The following SPINT3 variants were observed in gnomAD, a reference collection of about 807,000 sequenced individuals.
SPINT3 encodes kunitz-type protease inhibitor 3.
A neutral mutation model predicts 3.3 loss-of-function variants in SPINT3; 4 were observed. The ratio of observed to expected loss-of-function variants is 1.22; its 90% CI spans 0.60 to 2.79. The LOEUF (loss-of-function observed/expected upper bound fraction) is 2.79, where lower values mean the gene tolerates loss of function less well. SPINT3 is among the 30% of genes most tolerant of loss of function. The probability of loss-of-function intolerance (pLI) is 0.01; values close to 1 mark genes in which losing one functional copy is unlikely to be tolerated. For synonymous variants in SPINT3, 30 were observed against 38.6 expected, an observed-to-expected ratio of 0.78 and a Z score of 0.83; for missense variants, 97 against 104.3, an observed-to-expected ratio of 0.93 and a Z score of 0.31.
Position 45,512,497 on chromosome 20 carries a change from A to G in SPINT3, c.*154T>C. 1 of 700,022 alleles carries G rather than the reference A, an allele frequency of 1.4e-6. No homozygotes were observed. The highest frequency in any genetic ancestry group is 2.3e-6 in the Non-Finnish European group (1 of 428,828). 43.4% of individuals were successfully genotyped at this position (700,022 alleles called of 1,614,324 possible). Reference sequence around the variant, plus strand: ...CATTTATAGAATTTCAGGCACAGAGATGAAGCACTTGTAGGAGCACATCAG... The same window carrying G: ...CATTTATAGAATTTCAGGCACAGAGGTGAAGCACTTGTAGGAGCACATCAG... On this transcript the variant is annotated 3_prime_UTR_variant, in exon 2 of 2. Transcript: ENST00000217428.
Position 45,512,701 on chromosome 20 carries a change from T to C in SPINT3, c.220A>G (p.Asn74Asp). ...CATTTTTCTTTCCTCAAAAAGTTGT[T>C]GCTGTTGCCTCCGCAGCCTCCGTAA... ...FAYGGCGGNS[N>D]NFLRKEKCEK... The change falls in exon 2 of 2, where the codon AAC becomes GAC. Residue 74 changes from asparagine (N) to aspartate (D), a missense_variant. Physicochemically the swap from Asn to Asp is conservative, Grantham distance 23 (BLOSUM62 1). Coordinates refer to ENST00000217428, the MANE Select transcript of SPINT3 (RefSeq NM_006652.2). 6.4e-7 allele frequency: 1 copy of C among 1,551,668 alleles called. No homozygotes were observed. Among genetic ancestry groups the C allele is most frequent in the Non-Finnish European group, 8.7e-7 (1 of 1,146,974 alleles).
In SPINT3 at chr20:45,515,594, G is replaced by A. The variant is rs1307387561; in HGVS notation, c.15C>T (p.Ala5=). ...TGAGAATCAGGAGAAACGAGAGAGA[G>A]GCCTGAAGCTGCATGGTGCCACTCA... The part of the protein sequence containing the change: MQLQ[A]SLSFLLILTL... Residue 5 remains alanine (A), a synonymous_variant, in exon 1 of 2, where the codon GCC becomes GCT. Transcript: ENST00000217428. The A allele has an allele frequency of 6.4e-7, 1 of 1,551,488 alleles. No homozygotes were observed. Among genetic ancestry groups the A allele is most frequent in the Non-Finnish European group, 8.7e-7 (1 of 1,146,922 alleles).
intron 1 of SPINT3, among the ~76,000 whole-genome samples, chr20:45,513,846 G>A (rs1978804977): frequency 1.3e-5 from 2 of 152,346 alleles, no homozygotes; most frequent in South Asian, 2.1e-4. Flanking sequence ...GAAGCAGTAG[G>A]ACCAAGAATC....
chr20:45,513,870 T>A (rs1484587684), intron 1 of SPINT3, among the ~76,000 whole-genome samples: 1 of 152,212 alleles, frequency 6.6e-6, no homozygotes, highest in Non-Finnish European at 1.5e-5. Context: ...CCCAGCATGG[T>A]TCGACTGCAA....
intron 1 of SPINT3, among the ~76,000 whole-genome samples, chr20:45,515,129 C>T (rs1978836176): frequency 6.6e-6 from 1 of 152,106 alleles, no homozygotes; most frequent in Admixed American, 6.6e-5. Context: ...AAGTCCCTCA[C>T]TCTCAAATTC....
intron 1 of SPINT3, among the ~76,000 whole-genome samples, chr20:45,514,073 A>G (rs914874069): frequency 6.6e-6 from 1 of 152,222 alleles, no homozygotes; most frequent in African/African-American, 2.4e-5. Flanking sequence ...AGCTTATTCA[A>G]TCCAGGTGGG....
chr20:45,512,609 A>C lies in SPINT3; in HGVS notation c.*42T>G, dbSNP rs1415841129. ...CGCAAATGCCTTCTATGGCCCTCAGAGCAATCCCGAATCCATGGAGGGCTG... is the reference window on the plus strand; with the variant it reads ...CGCAAATGCCTTCTATGGCCCTCAGCGCAATCCCGAATCCATGGAGGGCTG... On this transcript the variant is annotated 3_prime_UTR_variant, in exon 2 of 2. Coordinates refer to ENST00000217428, the MANE Select transcript of SPINT3 (RefSeq NM_006652.2). 3 of 1,538,256 alleles carry C rather than the reference A, an allele frequency of 2.0e-6. No individual in the cohort carries two copies. The African/African-American group carries it at 4.1e-5, about 21-fold the overall frequency.
intron 1 of SPINT3, 65 bp downstream of exon 1, chr20:45,515,468 C>A (rs552258311): frequency 2.2e-6 from 3 of 1,372,336 alleles, no homozygotes; most frequent in South Asian, 2.5e-5. Flanking sequence ...CATCACCTCC[C>A]CCACCACCCC....
At chr20:45,513,181 A>G (rs1161244352) in intron 1 of SPINT3, among the ~76,000 whole-genome samples, 1 of 152,240 alleles carries the variant, frequency 6.6e-6, no homozygotes, top group Non-Finnish European at 1.5e-5. Context: ...GAGTTGAACC[A>G]CATCATCTCT....
Position 45,515,528 on chromosome 20 carries a change from C to T in SPINT3, c.76+5G>A, listed in dbSNP as rs546110769. The stretch of plus-strand genomic sequence containing the variant: ...ATTCTTTGAGATCCCACATTTCATA[C>T]CAACCTCGTGCTAGTTCTGATCGAA... On this transcript the variant is annotated splice_donor_5th_base_variant and intron_variant, in intron 1 of 1. Coordinates refer to ENST00000217428, the MANE Select transcript of SPINT3 (RefSeq NM_006652.2). 2 of 1,512,414 alleles carry T rather than the reference C, an allele frequency of 1.3e-6. No individual in the cohort carries two copies. The highest frequency in any genetic ancestry group is 1.8e-6 in the Non-Finnish European group (2 of 1,123,408). The allele number at this position is 1,512,414 out of a possible 1,614,324, so 93.7% of individuals were successfully genotyped here. A position where few individuals can be genotyped will look rare whatever the true frequency, so the allele number is the denominator to read the frequency against.
chr20:45,512,989 G>A, intron 1 of SPINT3, 145 bp from the exon 2 acceptor site: 1 of 631,040 alleles, frequency 1.6e-6, no homozygotes, highest in South Asian at 2.0e-5. Context: ...CCCAGCTATG[G>A]TCTGATCTGT....
rs1461720468 is a variant in SPINT3 at position 45,515,382 on chromosome 20, CAT to C, written c.76+149_76+150del. The C allele has an allele frequency of 1.1e-5, 8 of 703,098 alleles. No homozygotes were observed. In the East Asian group the frequency reaches 2.2e-4, roughly 19 times the overall value. 43.6% of individuals were successfully genotyped at this position (703,098 alleles called of 1,614,324 possible). A position where few individuals can be genotyped will look rare whatever the true frequency, so the allele number is the denominator to read the frequency against. ...GCCTGGCACATAACTATGTGCCCAA[CAT>C]ATGTCTGATGAAGTGAATTGAACTG... On this transcript the variant is annotated intron_variant, in intron 1 of 1. Transcript: ENST00000217428.
At chr20:45,513,928 T>C (rs1272596659) in intron 1 of SPINT3, among the ~76,000 whole-genome samples, 2 of 152,248 alleles carry the variant, frequency 1.3e-5, no homozygotes, top group African/African-American at 4.8e-5. Flanking sequence ...AATGAGTGAA[T>C]GCACAGATGA....
Position 45,512,561 on chromosome 20 carries a change from TCACACACA to T in SPINT3, c.*82_*89del, listed in dbSNP as rs11468934. 6,156 of 1,068,804 alleles carry T rather than the reference TCACACACA, an allele frequency of 5.8e-3. 1 individual carries two copies. The highest frequency in any genetic ancestry group is 6.4e-3 in the Non-Finnish European group (4,841 of 757,780). The allele number at this position is 1,068,804 out of a possible 1,614,324, so 66.2% of individuals were successfully genotyped here. A position where few individuals can be genotyped will look rare whatever the true frequency, so the allele number is the denominator to read the frequency against. ...GGGGGTAGAGGAATGAACCTCTTGT[TCACACACA>T]CACACACACACACACGCAAATGCCT... On this transcript the variant is annotated 3_prime_UTR_variant, in exon 2 of 2. Coordinates refer to ENST00000217428, the MANE Select transcript of SPINT3 (RefSeq NM_006652.2).
Position 45,514,441 on chromosome 20 carries a change from G to T in SPINT3, c.76+1092C>A, listed in dbSNP as rs181107801. Among the ~76,000 whole-genome samples the T allele has an allele frequency of 1.3e-4, 20 of 152,228 alleles. 1 individual carries two copies. The highest frequency in any genetic ancestry group is 4.6e-4 in the Admixed American group (7 of 15,286). ...TTATAGAAGAAGAAACTGATGCTCA[G>T]AGAGGCTATAAATGATGTTCCTGAG... On this transcript the variant is annotated intron_variant, in intron 1 of 1. Transcript: ENST00000217428.
chr20:45,514,334 T>C (rs1978816107), intron 1 of SPINT3, among the ~76,000 whole-genome samples: 1 of 152,226 alleles, frequency 6.6e-6, no homozygotes, highest in Admixed American at 6.5e-5. Context: ...TACAAGAATC[T>C]ATTAAGAGCT....
chr20:45,514,269 A>G (rs1057290455), intron 1 of SPINT3, among the ~76,000 whole-genome samples: 2 of 152,212 alleles, frequency 1.3e-5, no homozygotes, highest in African/African-American at 4.8e-5. Context: ...TGTAAAGTAG[A>G]TAATGACACC....
intron 1 of SPINT3, 45 bp from the exon 2 acceptor site, chr20:45,512,889 T>C: frequency 6.7e-7 from 1 of 1,492,280 alleles, no homozygotes; most frequent in Non-Finnish European, 9.1e-7. Context: ...CATCACCTTC[T>C]CCTTGTTTGC....
intron 1 of SPINT3, 45 bp downstream of exon 1, chr20:45,515,488 C>T (rs1244039421): frequency 6.7e-7 from 1 of 1,501,052 alleles, no homozygotes; most frequent in Admixed American, 2.0e-5. Flanking sequence ...CGCCCCCCAG[C>T]CTGATTCCCA....
Sources: allele counts gnomAD v4.1 joint callset (sites outside exome capture counted in the v4.1 genomes callset), GRCh38; gene constraint gnomAD v4.1.1; transcripts MANE v1.5; gene names NCBI Gene and HGNC (gene_info 2026-07-23, HGNC 2026-07-21).